The following GNA12 variants were observed in gnomAD, a reference collection of about 807,000 sequenced individuals.
GNA12 encodes the protein G protein subunit alpha 12.
In GNA12, 9 loss-of-function variants were observed where a neutral mutation model predicts 26.0. The observed-to-expected ratio is 0.35, with a 90% CI of 0.21 to 0.60. GNA12 has a LOEUF of 0.60. GNA12 is among the 20% of genes least tolerant of loss of function. The probability of loss-of-function intolerance (pLI) is 0.78; values close to 1 mark genes in which losing one functional copy is unlikely to be tolerated. For synonymous variants in GNA12, 264 were observed against 219.6 expected (o/e 1.20, Z -1.79); for missense variants, 405 against 525.8 (o/e 0.77, Z 2.25).
At chr7:2,811,179 G>A (rs1355102668) in intron 1 of GNA12, among the ~76,000 whole-genome samples, 1 of 152,196 alleles carries the variant, frequency 6.6e-6, no homozygotes, top group Non-Finnish European at 1.5e-5. Flanking sequence ...TGGGCTCCAG[G>A]CGAACCATTT....
At chr7:2,834,974 T>C (rs1257663372) in intron 1 of GNA12, among the ~76,000 whole-genome samples, 1 of 151,584 alleles carries the variant, frequency 6.6e-6, no homozygotes, top group Admixed American at 6.6e-5. Context: ...TGCATGACTA[T>C]ACATTGCGAT....
At chr7:2,793,313 AG>A (rs1392866456) in intron 2 of GNA12, among the ~76,000 whole-genome samples, 8 of 146,206 alleles carry the variant, frequency 5.5e-5, no homozygotes, top group East Asian at 1.9e-4. Context: ...AGGACGCGAG[AG>A]GAAGCAGCGG....
intron 2 of GNA12, among the ~76,000 whole-genome samples, chr7:2,740,370 C>T (rs143511799): frequency 2.6e-4 from 39 of 152,150 alleles, no homozygotes; most frequent in Middle Eastern, 3.4e-3. Context: ...AAGAAGAGAC[C>T]GGAGAGCTCT....
At chr7:2,762,927 G>A (rs1791636033) in intron 2 of GNA12, 4 of 1,400,118 alleles carry the variant, frequency 2.9e-6, no homozygotes, top group Middle Eastern at 2.5e-4. Context: ...AGGCGGGGAC[G>A]CCCCAGACAC....
chr7:2,843,464 G>A (rs1030350809), intron 1 of GNA12, among the ~76,000 whole-genome samples: 14 of 152,090 alleles, frequency 9.2e-5, no homozygotes, highest in Non-Finnish European at 1.8e-4. Flanking sequence ...GGGCAACACA[G>A]CAAGACCCCA....
chr7:2,834,682 G>A lies in GNA12; in HGVS notation c.309+9171C>T, dbSNP rs188653158. Among the ~76,000 whole-genome samples the A allele has an allele frequency of 1.3e-3, 194 of 152,290 alleles. 1 individual carries two copies. The highest frequency in any genetic ancestry group is 1.9e-3 in the Non-Finnish European group (129 of 68,016). ...TTGGTAAAAGATGAACCACATATAC[G>A]ATGGTGGTCCCATAAGGTTATAACA... is the stretch of plus-strand genomic sequence containing the variant. On this transcript the variant is annotated intron_variant, in intron 1 of 3. Transcript: ENST00000275364.
chr7:2,789,420 C>T (rs984542328), intron 2 of GNA12, among the ~76,000 whole-genome samples: 1 of 151,808 alleles, frequency 6.6e-6, no homozygotes. Context: ...CAGGCGTGAG[C>T]CACCGCGCCC....
intron 2 of GNA12, among the ~76,000 whole-genome samples, chr7:2,737,669 G>A (rs376197493): frequency 1.3e-5 from 2 of 152,122 alleles, no homozygotes; most frequent in Non-Finnish European, 2.9e-5. Context: ...CGAAAACAGG[G>A]CTTGTTAATG....
chr7:2,747,853 T>G (rs1790842810), intron 2 of GNA12, among the ~76,000 whole-genome samples: 1 of 152,150 alleles, frequency 6.6e-6, no homozygotes, highest in African/African-American at 2.4e-5. Flanking sequence ...ATTACAAGCA[T>G]TCTTATACAC....
At chr7:2,777,149 T>C (rs58075292) in intron 2 of GNA12, among the ~76,000 whole-genome samples, 39 of 152,244 alleles carry the variant, frequency 2.6e-4, no homozygotes, top group African/African-American at 9.1e-4. Flanking sequence ...CTGGCTAGGT[T>C]ATTGCTGCCT....
In GNA12 at chr7:2,790,608, A is replaced by AGC. The variant is rs756688126; in HGVS notation, c.525+4319_525+4320insGC. Among the ~76,000 whole-genome samples, 211 of 152,312 alleles carry AGC rather than the reference A, an allele frequency of 1.4e-3. 2 individuals are homozygous for AGC. Among genetic ancestry groups the AGC allele is most frequent in the Non-Finnish European group, 2.4e-3 (160 of 68,040 alleles). On this transcript the variant is annotated intron_variant, in intron 2 of 3. Coordinates refer to ENST00000275364, the MANE Select transcript of GNA12 (RefSeq NM_007353.3). ...AAATCCAGGTCACATTCAGGTCAGG[A>AGC]TCCACACACCAAAGACACTGATATA...
At chr7:2,830,157 T>G (rs571543220) in intron 1 of GNA12, among the ~76,000 whole-genome samples, 1 of 152,306 alleles carries the variant, frequency 6.6e-6, no homozygotes, top group South Asian at 2.1e-4. Context: ...TGTCAGAATG[T>G]TTAGGGTTGC....
intron 1 of GNA12, among the ~76,000 whole-genome samples, chr7:2,840,488 A>G (rs916702317): frequency 6.6e-6 from 1 of 152,218 alleles, no homozygotes; most frequent in East Asian, 1.9e-4. Context: ...CTAACCCTCT[A>G]TATAGCCACA....
Position 2,728,307 on chromosome 7 carries a change from A to C in GNA12, c.*2874T>G, listed in dbSNP as rs1384855187. 1 of 152,264 alleles carries C rather than the reference A, an allele frequency of 6.6e-6. No individual in the cohort carries two copies. The highest frequency in any genetic ancestry group is 1.5e-5 in the Non-Finnish European group (1 of 68,012). 9.4% of individuals were successfully genotyped at this position (152,264 alleles called of 1,614,324 possible). ...TAGATGTCTGTGCCCAGAACCCCTAAATTAGTTACAACTAATAATCTTCTT... is the reference window on the plus strand; with the variant it reads ...TAGATGTCTGTGCCCAGAACCCCTACATTAGTTACAACTAATAATCTTCTT... On this transcript the variant is annotated 3_prime_UTR_variant, in exon 4 of 4. Transcript: ENST00000275364.
chr7:2,814,284 C>A lies in GNA12; in HGVS notation c.310-19141G>T, dbSNP rs548934726. 8.6e-6 allele frequency: 10 copies of A among 1,165,384 alleles called. No homozygotes were observed. The East Asian group carries it at 1.9e-4, about 22-fold the overall frequency. 72.2% of individuals were successfully genotyped at this position (1,165,384 alleles called of 1,614,324 possible). On this transcript the variant is annotated intron_variant, in intron 1 of 3. Transcript: ENST00000275364. ...TGACTGAGATCAGGGAGATCTGTGG[C>A]CGAGGAGTTGAACGGAGTGAGACTC... is the stretch of plus-strand genomic sequence containing the variant.
rs2114986928 is a variant in GNA12, at chr7:2,843,762, G to T, written c.309+91C>A. On this transcript the variant is annotated intron_variant, in intron 1 of 3. Transcript: ENST00000275364. ...CAGCATCCTCGCCCCAGGGGTCCCC[G>T]CCCGCGGCGGCGGACCACGGAGGGG... 6.8e-6 allele frequency: 4 copies of T among 589,482 alleles called. No individual in the cohort carries two copies. The South Asian group carries it at 1.2e-4, about 18-fold the overall frequency. The allele number at this position is 589,482 out of a possible 1,614,324, so 36.5% of individuals were successfully genotyped here. A position where few individuals can be genotyped will look rare whatever the true frequency, so the allele number is the denominator to read the frequency against.
intron 1 of GNA12, among the ~76,000 whole-genome samples, chr7:2,799,069 G>A (rs1340156077): frequency 6.6e-6 from 1 of 152,160 alleles, no homozygotes; most frequent in Non-Finnish European, 1.5e-5. Context: ...TCAGGATGTA[G>A]GGTGTGCTCA....
At chr7:2,801,086 A>G (rs1245498084) in intron 1 of GNA12, among the ~76,000 whole-genome samples, 1 of 152,126 alleles carries the variant, frequency 6.6e-6, no homozygotes, top group Non-Finnish European at 1.5e-5. Context: ...AACGCTCTCC[A>G]TCATCCAGGC....
intron 2 of GNA12, among the ~76,000 whole-genome samples, chr7:2,744,525 CCAT>C (rs751337960): frequency 2.4e-4 from 36 of 152,050 alleles, no homozygotes; most frequent in Non-Finnish European, 4.6e-4. Context: ...CTGTACGTCA[CCAT>C]CATCAAAGAC....
Sources: allele counts gnomAD v4.1 joint callset (sites outside exome capture counted in the v4.1 genomes callset), GRCh38; gene constraint gnomAD v4.1.1; transcripts MANE v1.5; gene names NCBI Gene and HGNC (gene_info 2026-07-23, HGNC 2026-07-21).